Variants in NUFIP1 observed in about 807,000 individuals in gnomAD.
NUFIP1 encodes the protein nuclear FMR1 interacting protein 1, also known as FMR1-interacting protein NUFIP1.
Under a neutral mutation model 56.2 loss-of-function variants are expected in NUFIP1, and 38 were observed. That is an observed-to-expected ratio of 0.68 (90% confidence interval 0.52 to 0.89). The LOEUF is 0.89. NUFIP1 is among the 40% of genes least tolerant of loss of function. The probability of loss-of-function intolerance (pLI) is 0.00; values close to 1 mark genes in which losing one functional copy is unlikely to be tolerated. For synonymous variants in NUFIP1, 215 were observed against 212.4 expected (o/e 1.01, Z -0.10); for missense variants, 567 against 605.8 (o/e 0.94, Z 0.67).
At chr13:44,959,735 A>G (rs1358763884) in intron 6 of NUFIP1, among the ~76,000 whole-genome samples, 161 bp from the exon 7 acceptor site, 3 of 152,096 alleles carry the variant, frequency 2.0e-5, no homozygotes, top group African/African-American at 7.2e-5. Flanking sequence ...AGTGACTTTC[A>G]AAGACAGGGA....
intron 7 of NUFIP1, among the ~76,000 whole-genome samples, chr13:44,952,083 C>A (rs886066602): frequency 6.6e-6 from 1 of 152,080 alleles, no homozygotes; most frequent in African/African-American, 2.4e-5. Flanking sequence ...AGCACATATC[C>A]CCTTTTCTGA....
chr13:44,973,891 T>G (rs1195052656), intron 5 of NUFIP1, among the ~76,000 whole-genome samples: 2 of 152,098 alleles, frequency 1.3e-5, no homozygotes, highest in Admixed American at 1.3e-4. Context: ...AAATAACAAG[T>G]TTGACTGAGA....
chr13:44,983,249 C>T (rs1872259529), intron 1 of NUFIP1, among the ~76,000 whole-genome samples: 1 of 152,126 alleles, frequency 6.6e-6, no homozygotes, highest in African/African-American at 2.4e-5. Flanking sequence ...AATCTTGGCT[C>T]ACTGCAACCT....
rs758429325 is a variant in NUFIP1, at chr13:44,979,889, C to G, written c.657+1G>C. 1.3e-6 allele frequency: 2 copies of G among 1,592,492 alleles called. No homozygotes were observed. Among genetic ancestry groups the G allele is most frequent in the Admixed American group, 1.8e-5 (1 of 55,002 alleles). On this transcript the variant is annotated splice_donor_variant, in intron 4 of 9. Coordinates refer to ENST00000379161, the MANE Select transcript of NUFIP1 (RefSeq NM_012345.3). LOFTEE classifies it high-confidence loss of function. ...AAATAGGATAAAAAAACAGAACTTACATTTCTCCAATGGAACTGGACAATC... is the reference window on the plus strand; with the variant it reads ...AAATAGGATAAAAAAACAGAACTTAGATTTCTCCAATGGAACTGGACAATC...
chr13:44,964,483 A>G (rs1192819526), intron 6 of NUFIP1, among the ~76,000 whole-genome samples: 2 of 152,338 alleles, frequency 1.3e-5, no homozygotes, highest in East Asian at 1.9e-4. Context: ...ACAGCCTTAA[A>G]GAGTTTCCAG....
chr13:44,988,120 T>C (rs1404615779), intron 1 of NUFIP1, among the ~76,000 whole-genome samples: 4 of 152,188 alleles, frequency 2.6e-5, no homozygotes, highest in Non-Finnish European at 5.9e-5. Context: ...AACAATGACA[T>C]TTAAAACTGC....
intron 8 of NUFIP1, 128 bp from the exon 9 acceptor site, chr13:44,943,802 CTA>C (rs1283611249): frequency 2.8e-6 from 2 of 719,558 alleles, no homozygotes; most frequent in Admixed American, 3.0e-5. Flanking sequence ...TAACTTAAAA[CTA>C]TGAAAGATTT....
intron 1 of NUFIP1, among the ~76,000 whole-genome samples, chr13:44,984,193 C>T (rs577963965): frequency 6.8e-4 from 103 of 152,284 alleles, no homozygotes; most frequent in African/African-American, 2.2e-3. Context: ...TCCTAAGACA[C>T]TTCTTCCAAA....
At chr13:44,960,767 A>C (rs1341578894) in intron 6 of NUFIP1, among the ~76,000 whole-genome samples, 3 of 152,194 alleles carry the variant, frequency 2.0e-5, no homozygotes, top group Non-Finnish European at 4.4e-5. Flanking sequence ...ACTTTTAGAA[A>C]GAAAGCAAGT....
At chr13:44,988,336 C>T (rs1436244933) in intron 1 of NUFIP1, among the ~76,000 whole-genome samples, 3 of 152,124 alleles carry the variant, frequency 2.0e-5, no homozygotes, top group African/African-American at 7.2e-5. Flanking sequence ...ATGAGAATTG[C>T]TTGAACTCGG....
At chr13:44,978,414 G>C (rs1279489536) in intron 5 of NUFIP1, among the ~76,000 whole-genome samples, 3 of 152,106 alleles carry the variant, frequency 2.0e-5, no homozygotes, top group Non-Finnish European at 2.9e-5. Context: ...TCCAGGAAAA[G>C]AGCAGTTGAC....
chr13:44,980,806 T>A lies in NUFIP1; in HGVS notation c.510A>T (p.Pro170=). 1 of 1,598,636 alleles carries A rather than the reference T, an allele frequency of 6.3e-7. No homozygotes were observed. The change falls in exon 3 of 10, where the codon CCA becomes CCT. Residue 170 remains proline (P), a synonymous_variant. Transcript: ENST00000379161. ...RKQKKKKRKE[P]VFHFFCDTCD... Reference sequence around the variant, plus strand: ...AGGTATCACAAAAAAAGTGAAAAACTGGTTCCTTTCTTTTCTGCAAACAAA... The same window carrying A: ...AGGTATCACAAAAAAAGTGAAAAACAGGTTCCTTTCTTTTCTGCAAACAAA...
At chr13:44,971,260 T>C (rs1194240511) in intron 5 of NUFIP1, among the ~76,000 whole-genome samples, 3 of 152,062 alleles carry the variant, frequency 2.0e-5, no homozygotes, top group African/African-American at 4.8e-5. Context: ...AAAATTGCCA[T>C]CTTCACCCCA....
chr13:44,950,508 G>A (rs546396355), intron 7 of NUFIP1, among the ~76,000 whole-genome samples: 1 of 152,264 alleles, frequency 6.6e-6, no homozygotes, highest in African/African-American at 2.4e-5. Context: ...ACTATGCCCA[G>A]CTAATTTTTT....
At chr13:44,984,365 G>A (rs1872307631) in intron 1 of NUFIP1, among the ~76,000 whole-genome samples, 1 of 152,212 alleles carries the variant, frequency 6.6e-6, no homozygotes. Context: ...TTTGGGCCAG[G>A]TGTGATGGCT....
chr13:44,963,097 C>T (rs559047501), intron 6 of NUFIP1, among the ~76,000 whole-genome samples: 3 of 146,614 alleles, frequency 2.0e-5, no homozygotes, highest in Admixed American at 1.4e-4. Context: ...AAAAACAAAA[C>T]AAAAAAAAAA....
intron 4 of NUFIP1, 127 bp downstream of exon 4, chr13:44,979,763 G>A: frequency 1.7e-6 from 1 of 597,510 alleles, no homozygotes; most frequent in South Asian, 2.9e-5. Context: ...AATAAATGAT[G>A]TCAAAATCCT....
At chr13:44,959,773 G>A (rs1267388041) in intron 6 of NUFIP1, among the ~76,000 whole-genome samples, 199 bp from the exon 7 acceptor site, 6 of 152,012 alleles carry the variant, frequency 3.9e-5, no homozygotes, top group African/African-American at 1.5e-4. Context: ...TAGAAGGACA[G>A]CACCCCACAA....
chr13:44,958,905 T>C (rs946276292), intron 7 of NUFIP1, among the ~76,000 whole-genome samples: 4 of 152,196 alleles, frequency 2.6e-5, no homozygotes, highest in African/African-American at 9.7e-5. Flanking sequence ...GACAAACATA[T>C]ATAAATATAA....
Sources: gnomAD v4.1 joint callset for allele counts (sites outside exome capture counted in the v4.1 genomes callset) on GRCh38, gnomAD v4.1.1 for gene constraint, MANE v1.5 for transcripts, NCBI Gene and HGNC (gene_info 2026-07-23, HGNC 2026-07-21) for gene names.